The following RAB11FIP3 variants were observed in gnomAD, a reference collection of about 807,000 sequenced individuals.
The protein encoded by RAB11FIP3 is rab11 family-interacting protein 3.
RAB11FIP3 carries 17 observed loss-of-function variants against 77.8 expected under a neutral mutation model. The ratio of observed to expected loss-of-function variants is 0.22; its 90% CI spans 0.15 to 0.33. RAB11FIP3 has a LOEUF of 0.33. Among genes scored for constraint, RAB11FIP3 ranks in the 10% least tolerant of loss-of-function variants. RAB11FIP3 has a pLI of 1.00. For synonymous variants in RAB11FIP3, 437 were observed against 448.2 expected, an observed-to-expected ratio of 0.98 and a Z score of 0.31; for missense variants, 1,005 against 1,011.2, an observed-to-expected ratio of 0.99 and a Z score of 0.08.
intron 3 of RAB11FIP3, among the ~76,000 whole-genome samples, chr16:475,689 G>C (rs1286457489): frequency 1.3e-5 from 2 of 152,170 alleles, no homozygotes; most frequent in African/African-American, 4.8e-5. Context: ...GGGGCTCTGA[G>C]TATCGATGGC....
intron 9 of RAB11FIP3, among the ~76,000 whole-genome samples, chr16:512,237 T>C (rs897778942): frequency 1.3e-5 from 2 of 150,394 alleles, no homozygotes; most frequent in African/African-American, 2.4e-5. Context: ...TCTTTTTTTT[T>C]TGGGTGGGGG....
Position 461,968 on chromosome 16 carries a change from G to A in RAB11FIP3, c.808+471G>A, listed in dbSNP as rs889851512. 1.2e-4 allele frequency among the ~76,000 whole-genome samples: 18 copies of A among 152,160 alleles called. No homozygotes were observed. The highest frequency in any genetic ancestry group is 4.6e-4 in the Admixed American group (7 of 15,276). On this transcript the variant is annotated intron_variant, in intron 2 of 13. Transcript: ENST00000262305. The surrounding 1 kb of genome is among the most constrained non-coding windows in gnomAD (Gnocchi z 4.5). ...CACACCGCCCTGAACACTGCAGCCCGTACCACCATCGTTCCCTAGAGCTCA... is the reference window on the plus strand; with the variant it reads ...CACACCGCCCTGAACACTGCAGCCCATACCACCATCGTTCCCTAGAGCTCA...
At chr16:434,190 T>C (rs1158519061) in intron 1 of RAB11FIP3, among the ~76,000 whole-genome samples, 1 of 151,956 alleles carries the variant, frequency 6.6e-6, no homozygotes, top group Admixed American at 6.6e-5. Flanking sequence ...GGCACGATTT[T>C]AGGTCACTGC....
chr16:505,341 G>A lies in RAB11FIP3; in HGVS notation c.1396-183G>A, dbSNP rs1352784693. Reference sequence around the variant, plus strand: ...GAATGACAGTGCTCCCCAAGACCCCGGCCCCATTAGGAGCTGCACCTTTGT... The same window carrying A: ...GAATGACAGTGCTCCCCAAGACCCCAGCCCCATTAGGAGCTGCACCTTTGT... On this transcript the variant is annotated intron_variant, in intron 7 of 13. Coordinates refer to ENST00000262305, the MANE Select transcript of RAB11FIP3 (RefSeq NM_014700.4). This position sits in a 1 kb window ranked among gnomAD's most constrained non-coding sequence, Gnocchi z 4.0. 4.6e-5 allele frequency among the ~76,000 whole-genome samples: 7 copies of A among 152,142 alleles called. No individual in the cohort carries two copies. The highest frequency in any genetic ancestry group is 1.7e-4 in the African/African-American group (7 of 41,422).
intron 1 of RAB11FIP3, among the ~76,000 whole-genome samples, chr16:437,044 G>A (rs1049051144): frequency 6.6e-6 from 1 of 152,188 alleles, no homozygotes; most frequent in African/African-American, 2.4e-5. Context: ...GAGAGGCTGG[G>A]GAGGGTGAAT....
At chr16:497,252 T>C (rs1220896772) in intron 6 of RAB11FIP3, 1 of 1,304,894 alleles carries the variant, frequency 7.7e-7, no homozygotes, top group Non-Finnish European at 1.0e-6. Flanking sequence ...GAGGGATGGG[T>C]CTGACTCCAA....
intron 8 of RAB11FIP3, among the ~76,000 whole-genome samples, chr16:509,431 T>A (rs1003921607): frequency 6.6e-6 from 1 of 152,242 alleles, no homozygotes; most frequent in African/African-American, 2.4e-5. Context: ...TTGTGTCTGG[T>A]GATCTTTGGC....
chr16:443,851 A>T (rs565725565), intron 1 of RAB11FIP3, among the ~76,000 whole-genome samples: 31 of 152,334 alleles, frequency 2.0e-4, no homozygotes, highest in African/African-American at 7.0e-4. Flanking sequence ...GGCATGAGCC[A>T]TCGCGCCCGG....
chr16:499,460 T>G (rs1255912926), intron 6 of RAB11FIP3, among the ~76,000 whole-genome samples: 1 of 152,084 alleles, frequency 6.6e-6, no homozygotes, highest in East Asian at 1.9e-4. Context: ...GAAACACCCT[T>G]TAAAATTTAA....
chr16:513,194 G>T (rs1596300050), intron 9 of RAB11FIP3, among the ~76,000 whole-genome samples: 1 of 152,180 alleles, frequency 6.6e-6, no homozygotes, highest in Non-Finnish European at 1.5e-5. Flanking sequence ...TGAGGGTGGA[G>T]GAAGTTGTTT....
chr16:454,365 C>T (rs1425438108), intron 1 of RAB11FIP3, among the ~76,000 whole-genome samples: 2 of 152,088 alleles, frequency 1.3e-5, no homozygotes, highest in African/African-American at 4.8e-5. Flanking sequence ...TTGCTGGAGT[C>T]CAGGAGTTTG....
chr16:478,159 T>A (rs2055958925), intron 3 of RAB11FIP3, among the ~76,000 whole-genome samples: 1 of 151,436 alleles, frequency 6.6e-6, no homozygotes, highest in African/African-American at 2.4e-5. Flanking sequence ...TGGGACCCTC[T>A]GGTAGCCCTC....
chr16:502,993 C>T lies in RAB11FIP3; in HGVS notation c.1302-11C>T, dbSNP rs1024605084. 2 of 1,600,566 alleles carry T rather than the reference C, an allele frequency of 1.2e-6. No individual in the cohort carries two copies. The highest frequency in any genetic ancestry group is 1.7e-6 in the Non-Finnish European group (2 of 1,168,518). On this transcript the variant is annotated splice_polypyrimidine_tract_variant and intron_variant, in intron 6 of 13. Coordinates refer to ENST00000262305, the MANE Select transcript of RAB11FIP3 (RefSeq NM_014700.4). ...CCCTTTCTTCCCTCTGTTGTTGTGCCTTTTCTGTAGGTACCTGCACCAGTC... is the reference window on the plus strand; with the variant it reads ...CCCTTTCTTCCCTCTGTTGTTGTGCTTTTTCTGTAGGTACCTGCACCAGTC...
At chr16:503,397 G>A (rs1349711901) in intron 7 of RAB11FIP3, among the ~76,000 whole-genome samples, 1 of 152,196 alleles carries the variant, frequency 6.6e-6, no homozygotes, top group Admixed American at 6.5e-5. Context: ...GTCTGAGTCG[G>A]GCTGGGGGAC....
intron 2 of RAB11FIP3, among the ~76,000 whole-genome samples, chr16:463,010 C>T (rs1032699419): frequency 3.9e-5 from 6 of 152,180 alleles, no homozygotes; most frequent in Admixed American, 6.5e-5. Context: ...TGTGTGGATG[C>T]GTGTCTTCAA....
At chr16:437,060 G>A (rs2055141737) in intron 1 of RAB11FIP3, among the ~76,000 whole-genome samples, 1 of 152,100 alleles carries the variant, frequency 6.6e-6, no homozygotes, top group African/African-American at 2.4e-5. Flanking sequence ...TGAATCACCT[G>A]AGGTCAGGAG....
chr16:517,193 A>G (rs533338889), intron 9 of RAB11FIP3, among the ~76,000 whole-genome samples: 34 of 152,276 alleles, frequency 2.2e-4, no homozygotes, highest in Middle Eastern at 6.8e-3. Context: ...TACAGACACC[A>G]TGACAGGCCT....
rs1461247852 is a variant in RAB11FIP3, at chr16:426,808, T to A, written c.714+88T>A. On this transcript the variant is annotated intron_variant, in intron 1 of 13. Transcript: ENST00000262305. This position sits in a 1 kb window ranked among gnomAD's most constrained non-coding sequence, Gnocchi z 5.0. ...ATGTGGGACCGGTCGACGCTGCCCCTGGAGTCGGGAAAGGCACTGTCAAGA... is the reference window on the plus strand; with the variant it reads ...ATGTGGGACCGGTCGACGCTGCCCCAGGAGTCGGGAAAGGCACTGTCAAGA... The A allele has an allele frequency of 3.6e-6, 4 of 1,124,154 alleles. No homozygotes were observed. In the South Asian group the frequency reaches 7.5e-5, roughly 21 times the overall value. 69.6% of individuals were successfully genotyped at this position (1,124,154 alleles called of 1,614,324 possible).
intron 3 of RAB11FIP3, among the ~76,000 whole-genome samples, chr16:480,025 G>A (rs965528899): frequency 7.9e-5 from 12 of 151,990 alleles, no homozygotes; most frequent in Non-Finnish European, 1.8e-4. Context: ...GGTGGCTCAC[G>A]CCTGTAATCC....
Sources: gnomAD v4.1 joint callset for allele counts (sites outside exome capture counted in the v4.1 genomes callset) on GRCh38, gnomAD v4.1.1 for gene constraint, Gnocchi (gnomAD v3.1) non-coding constraint, MANE v1.5 for transcripts, NCBI Gene and HGNC (gene_info 2026-07-23, HGNC 2026-07-21) for gene names.